The following VRK2 variants were observed in gnomAD, a reference collection of about 807,000 sequenced individuals.
VRK2 encodes the protein VRK serine/threonine kinase 2, also known as serine/threonine-protein kinase VRK2.
Under a neutral mutation model 57.6 loss-of-function variants are expected in VRK2, and 60 were observed. The ratio of observed to expected loss-of-function variants is 1.04; its 90% CI spans 0.85 to 1.29. VRK2 has a LOEUF of 1.29. Among genes scored for constraint, VRK2 ranks in the 50% most tolerant of loss-of-function variants. VRK2 has a pLI of 0.00. For missense variants in VRK2, 705 were observed against 588.1 expected (o/e 1.20, Z -2.06); for synonymous variants, 231 against 199.2 (o/e 1.16, Z -1.35).
intron 12 of VRK2, among the ~76,000 whole-genome samples, chr2:58,154,580 C>T (rs1024154944): frequency 6.6e-6 from 1 of 151,552 alleles, no homozygotes; most frequent in African/African-American, 2.4e-5. Flanking sequence ...TAGCTATGTC[C>T]CATGTTTTGA....
chr2:58,047,004 TCAGCTCCGG>T (rs1674866801), intron 1 of VRK2, 136 bp downstream of exon 1: 1 of 979,182 alleles, frequency 1.0e-6, no homozygotes, highest in Non-Finnish European at 1.2e-6. Flanking sequence ...CCCCCGGGCC[TCAGCTCCGG>T]CCCGGGCAGA....
At chr2:57,991,407 C>G (rs922745093) in intron 1 of VRK2, among the ~76,000 whole-genome samples, 8 of 150,710 alleles carry the variant, frequency 5.3e-5, no homozygotes. Context: ...CAGGTGGAGG[C>G]ACTGTCGTGA....
chr2:57,973,939 A>T (rs1672170908), intron 1 of VRK2, among the ~76,000 whole-genome samples: 1 of 151,868 alleles, frequency 6.6e-6, no homozygotes, highest in Non-Finnish European at 1.5e-5. Flanking sequence ...GAAACACTTA[A>T]ACACCTGAAA....
chr2:58,031,905 C>T, intron 2 of VRK2, among the ~76,000 whole-genome samples: 1 of 152,074 alleles, frequency 6.6e-6, no homozygotes, highest in East Asian at 1.9e-4. Context: ...TTGAGTAGAA[C>T]AGTAGACACT....
intron 11 of VRK2, among the ~76,000 whole-genome samples, chr2:58,145,295 C>G (rs1341277388): frequency 2.0e-5 from 3 of 151,942 alleles, no homozygotes; most frequent in Non-Finnish European, 4.4e-5. Context: ...AAGAACTTAA[C>G]CTCTGATACT....
rs923398613 is a variant in VRK2, at chr2:58,159,613, A to G, written c.1447A>G (p.Thr483Ala). 7 of 1,613,730 alleles carry G rather than the reference A, an allele frequency of 4.3e-6. No individual in the cohort carries two copies. The African/African-American group carries it at 9.3e-5, about 22-fold the overall frequency. Residue 483 changes from threonine (T) to alanine (A), a missense_variant, in exon 13 of 13, where the codon ACA becomes GCA. Physicochemically the swap from Thr to Ala is moderately conservative, Grantham distance 58. Transcript: ENST00000340157. ...TTCCCAGTTTACTCTTAGTGAAGAG[A>G]CAAACGCAGATGTTTATTATTATCG... ...TISQFTLSEETNADVYYYRII... is the reference protein window; with the variant it reads ...TISQFTLSEEANADVYYYRII...
At chr2:57,995,900 G>T (rs1672909177) in intron 1 of VRK2, among the ~76,000 whole-genome samples, 1 of 152,102 alleles carries the variant, frequency 6.6e-6, no homozygotes, top group African/African-American at 2.4e-5. Flanking sequence ...TCAACACAAA[G>T]AAATAAGCAA....
At chr2:58,158,889 G>A (rs202191193) in intron 12 of VRK2, among the ~76,000 whole-genome samples, 1 of 152,098 alleles carries the variant, frequency 6.6e-6, no homozygotes, top group Non-Finnish European at 1.5e-5. Context: ...TTCTTTGGCT[G>A]TGTACAGCCT....
At chr2:58,083,598 TG>T (rs1307311322) in intron 2 of VRK2, among the ~76,000 whole-genome samples, 1 of 151,878 alleles carries the variant, frequency 6.6e-6, no homozygotes, top group Admixed American at 6.6e-5. Flanking sequence ...TCTAGAATTT[TG>T]TCAAGTATAA....
chr2:57,962,696 C>T (rs1238675555), intron 1 of VRK2, among the ~76,000 whole-genome samples: 1 of 152,102 alleles, frequency 6.6e-6, no homozygotes, highest in Non-Finnish European at 1.5e-5. Context: ...TGTCTGATAT[C>T]ATCTTATTCA....
intron 8 of VRK2, among the ~76,000 whole-genome samples, chr2:58,128,952 C>G (rs1215443322): frequency 1.3e-5 from 2 of 152,134 alleles, no homozygotes; most frequent in African/African-American, 2.4e-5. Context: ...AAATCCTCAC[C>G]TGTGCCTATT....
At chr2:58,136,930 A>T (rs1680199633) in intron 10 of VRK2, among the ~76,000 whole-genome samples, 1 of 134,654 alleles carries the variant, frequency 7.4e-6, no homozygotes, top group Admixed American at 7.9e-5. Flanking sequence ...ATGTGTATAT[A>T]TCATATATAT....
At position 58,053,799 on chromosome 2, in the gene VRK2, C is replaced by T. The variant is rs1307221039; in HGVS notation, c.136+4832C>T. On this transcript the variant is annotated intron_variant, in intron 2 of 12. Transcript: ENST00000340157. ...AATAGCCTTATCTGACACAATGCAA[C>T]GTTGTGGTGCCACTGCAATTGTTAT... Among the ~76,000 whole-genome samples the T allele has an allele frequency of 5.9e-5, 9 of 152,004 alleles. No homozygotes were observed. The East Asian group carries it at 7.7e-4, about 13-fold the overall frequency.
chr2:58,074,442 A>G (rs1418224600), intron 2 of VRK2, among the ~76,000 whole-genome samples: 1 of 151,634 alleles, frequency 6.6e-6, no homozygotes, highest in East Asian at 1.9e-4. Context: ...CCTTTCTTGG[A>G]GTATCAATTC....
At chr2:58,099,283 A>T (rs896807504) in intron 7 of VRK2, among the ~76,000 whole-genome samples, 3 of 152,014 alleles carry the variant, frequency 2.0e-5, no homozygotes, top group Non-Finnish European at 4.4e-5. Context: ...GCAACAGTTT[A>T]TATGAAGCCT....
At chr2:58,137,142 T>TAAC (rs1680363561) in intron 10 of VRK2, among the ~76,000 whole-genome samples, 1 of 77,182 alleles carries the variant, frequency 1.3e-5, no homozygotes, top group African/African-American at 5.7e-5. Flanking sequence ...TCATATATCA[T>TAAC]ATATATCATG....
intron 7 of VRK2, among the ~76,000 whole-genome samples, chr2:58,102,617 C>G (rs991444392): frequency 6.6e-6 from 1 of 150,988 alleles, no homozygotes; most frequent in Non-Finnish European, 1.5e-5. Flanking sequence ...AACAATATTA[C>G]GAGACCTAAA....
intron 3 of VRK2, among the ~76,000 whole-genome samples, chr2:58,034,415 C>T (rs904003726): frequency 6.6e-6 from 1 of 152,008 alleles, no homozygotes; most frequent in African/African-American, 2.4e-5. Flanking sequence ...GTTACTCCCT[C>T]AAAGTGTTGC....
At chr2:58,104,854 A>G (rs1338342954) in intron 7 of VRK2, among the ~76,000 whole-genome samples, 4 of 152,060 alleles carry the variant, frequency 2.6e-5, no homozygotes, top group Non-Finnish European at 5.9e-5. Flanking sequence ...TCTGGTATCA[A>G]AATAGACACA....
Sources: allele counts gnomAD v4.1 joint callset (sites outside exome capture counted in the v4.1 genomes callset), GRCh38; gene constraint gnomAD v4.1.1; transcripts MANE v1.5; gene names NCBI Gene and HGNC (gene_info 2026-07-23, HGNC 2026-07-21).